The following LY6S variants were observed in gnomAD, a reference collection of about 807,000 sequenced individuals.
LY6S encodes the protein lymphocyte antigen 6 family member S.
At chr8:143,052,717 G>C in the LY6S span, among the ~76,000 whole-genome samples, 321 of 152,288 alleles carry the variant, frequency 2.1e-3, 1 homozygote, top group Non-Finnish European at 4.0e-3. Context: ...TCCTCGTGGA[G>C]GCCGCAATCC....
At chr8:143,070,489 A>ATTTTTTT in the LY6S span, among the ~76,000 whole-genome samples, 10 of 81,700 alleles carry the variant, frequency 1.2e-4, no homozygotes, top group African/African-American at 6.2e-4. Context: ...ATATATATAT[A>ATTTTTTT]TTTTTTTTTT....
At chr8:143,076,204 C>T in the LY6S span, among the ~76,000 whole-genome samples, 78,196 of 152,066 alleles carry the variant, frequency 0.51, 22,789 homozygotes, top group Non-Finnish European at 0.63. Flanking sequence ...AGAAACAGAA[C>T]ACAATTGCAC....
chr8:143,075,308 CT>C, the LY6S span, among the ~76,000 whole-genome samples: 1 of 152,198 alleles, frequency 6.6e-6, no homozygotes, highest in African/African-American at 2.4e-5. The surrounding 1 kb of genome is among the most constrained non-coding windows in gnomAD (Gnocchi z 4.1). Context: ...TAACTTCAGG[CT>C]TCCCACCAGT....
the LY6S span, chr8:143,047,927 T>C: frequency 2.6e-5 from 4 of 152,262 alleles, no homozygotes; most frequent in Non-Finnish European, 5.9e-5. Context: ...TCCTATCTCT[T>C]CTGCATCAAA....
chr8:143,053,005 G>T, the LY6S span, among the ~76,000 whole-genome samples: 2 of 152,124 alleles, frequency 1.3e-5, no homozygotes, highest in African/African-American at 4.8e-5. Flanking sequence ...GGCAACACAG[G>T]GCTGCCCTCG....
chr8:143,074,376 T>C, the LY6S span, among the ~76,000 whole-genome samples: 1,979 of 152,216 alleles, frequency 0.013, 44 homozygotes, highest in African/African-American at 0.045. Context: ...CTATCTTTTC[T>C]CTGTGCTTTA....
the LY6S span, among the ~76,000 whole-genome samples, chr8:143,051,955 G>C: frequency 1.3e-3 from 167 of 125,944 alleles, no homozygotes; most frequent in Middle Eastern, 0.039. Flanking sequence ...CTGGGTGACA[G>C]AGTGAGACTC....
At chr8:143,054,981 C>T in the LY6S span, among the ~76,000 whole-genome samples, 279 of 152,280 alleles carry the variant, frequency 1.8e-3, 2 homozygotes, top group East Asian at 0.012. Flanking sequence ...CAAGGAGGAA[C>T]GTATCTATAT....
the LY6S span, among the ~76,000 whole-genome samples, chr8:143,051,983 AG>A: frequency 1.6e-3 from 235 of 145,466 alleles, 12 homozygotes; most frequent in Non-Finnish European, 2.3e-3. Context: ...AAAAAAAAAA[AG>A]AAAAGAAAAG....
At chr8:143,056,432 C>G in the LY6S span, among the ~76,000 whole-genome samples, 1 of 151,932 alleles carries the variant, frequency 6.6e-6, no homozygotes, top group South Asian at 2.1e-4. Flanking sequence ...CTAATTGATA[C>G]ATTTTTATAG....
the LY6S span, among the ~76,000 whole-genome samples, chr8:143,066,751 C>T: frequency 2.6e-5 from 4 of 152,242 alleles, no homozygotes; most frequent in East Asian, 7.7e-4. Context: ...AACTCATTTC[C>T]AGATGAGACT....
the LY6S span, among the ~76,000 whole-genome samples, chr8:143,050,060 G>A: frequency 6.6e-6 from 1 of 152,108 alleles, no homozygotes; most frequent in African/African-American, 2.4e-5. Flanking sequence ...TGGGAGAAAC[G>A]TCTCATCTGG....
At chr8:143,070,480 TATA>T in the LY6S span, among the ~76,000 whole-genome samples, 2 of 103,988 alleles carry the variant, frequency 1.9e-5, 1 homozygote, top group African/African-American at 1.1e-4. Flanking sequence ...TATATAAATA[TATA>T]TATATATTTT....
the LY6S span, among the ~76,000 whole-genome samples, chr8:143,070,462 ATAATATATATATAAATATATATATATATT>A: frequency 1.6e-4 from 7 of 43,174 alleles, 2 homozygotes; most frequent in African/African-American, 5.3e-4. Context: ...ATATATATAT[ATAATATATATATAAATATATATATATATT>A]TTTTTTTTTT....
At chr8:143,052,389 C>T in the LY6S span, among the ~76,000 whole-genome samples, 1 of 152,198 alleles carries the variant, frequency 6.6e-6, no homozygotes, top group Non-Finnish European at 1.5e-5. Context: ...TAGAGTCACT[C>T]GGGCCTATGA....
the LY6S span, among the ~76,000 whole-genome samples, chr8:143,072,774 C>T: frequency 7.1e-6 from 1 of 140,702 alleles, no homozygotes. Flanking sequence ...TTTGAGGAGA[C>T]AGCCGTCGTC....
chr8:143,052,397 T>C, the LY6S span, among the ~76,000 whole-genome samples: 4 of 152,224 alleles, frequency 2.6e-5, no homozygotes, highest in Non-Finnish European at 4.4e-5. Context: ...CTCGGGCCTA[T>C]GAACTTTGCT....
the LY6S span, chr8:143,057,117 GTA>G: frequency 2.9e-6 from 1 of 345,608 alleles, no homozygotes. Flanking sequence ...GTAGGAAAGT[GTA>G]TATATAGGGC....
chr8:143,069,718 T>TCAG, the LY6S span, among the ~76,000 whole-genome samples: 3 of 152,268 alleles, frequency 2.0e-5, no homozygotes, highest in African/African-American at 7.2e-5. Context: ...TTGCTCTGGG[T>TCAG]CAGAATCCAG....
Sources: allele counts gnomAD v4.1 joint callset (sites outside exome capture counted in the v4.1 genomes callset), GRCh38; gene constraint gnomAD v4.1.1; non-coding constraint Gnocchi (gnomAD v3.1); transcripts MANE v1.5; gene names NCBI Gene and HGNC (gene_info 2026-07-23, HGNC 2026-07-21).